Variants in RASA2 observed in about 807,000 individuals in gnomAD.
The protein encoded by RASA2 is RAS p21 protein activator 2.
A neutral mutation model predicts 118.2 loss-of-function variants in RASA2; 155 were observed. The observed-to-expected ratio is 1.31, with a 90% CI of 1.15 to 1.50. The LOEUF (loss-of-function observed/expected upper bound fraction) is 1.50. RASA2 is among the 40% of genes most tolerant of loss of function. RASA2 has a pLI of 0.00. For missense variants in RASA2, 1,016 were observed against 1,009.6 expected (o/e 1.01, Z -0.09); for synonymous variants, 353 against 349.1 (o/e 1.01, Z -0.12).
At chr3:141,529,671 G>T (rs111720442) in intron 3 of RASA2, 37 bp from the exon 4 acceptor site, 1 of 1,437,864 alleles carries the variant, frequency 7.0e-7, no homozygotes, top group East Asian at 2.3e-5. Flanking sequence ...ATTATACGAA[G>T]CATGTTTTCT....
At chr3:141,506,889 G>A (rs1401096305) in intron 1 of RASA2, among the ~76,000 whole-genome samples, 1 of 148,296 alleles carries the variant, frequency 6.7e-6, no homozygotes, top group East Asian at 2.0e-4. Flanking sequence ...GCACTCCAGC[G>A]TGGGCGACAG....
At position 141,577,010 on chromosome 3, in the gene RASA2, T is replaced by A; in HGVS notation, c.1494T>A (p.His498Gln). The change falls in exon 15 of 24, where the codon CAT (histidine) becomes CAA (glutamine). Residue 498 changes from histidine (H) to glutamine (Q), a missense_variant. By Grantham distance (24) the His-to-Gln change is conservative. This residue lies in a region of RASA2 where 896 missense variants were observed against 836.4 expected (regional missense o/e 1.07). Coordinates refer to ENST00000286364, the MANE Select transcript of RASA2 (RefSeq NM_006506.5). ...MATQRFPNDPHVQYSAVSSFV... is the reference protein window; with the variant it reads ...MATQRFPNDPQVQYSAVSSFV... ...ATTTTTTTCCTGCAGATGACCCTCATGTTCAGTATTCTGCAGTGAGCAGCT... is the reference window on the plus strand; with the variant it reads ...ATTTTTTTCCTGCAGATGACCCTCAAGTTCAGTATTCTGCAGTGAGCAGCT... 1 of 1,598,180 alleles carries A rather than the reference T, an allele frequency of 6.3e-7. No homozygotes were observed. The highest frequency in any genetic ancestry group is 2.3e-5 in the East Asian group (1 of 44,106).
At chr3:141,504,368 T>TC (rs1288768509) in intron 1 of RASA2, among the ~76,000 whole-genome samples, 1 of 152,196 alleles carries the variant, frequency 6.6e-6, no homozygotes, top group Non-Finnish European at 1.5e-5. Context: ...GTATAAGGCA[T>TC]CTCAGATTTA....
intron 5 of RASA2, among the ~76,000 whole-genome samples, chr3:141,544,645 GT>G (rs2082457287): frequency 6.6e-6 from 1 of 152,192 alleles, no homozygotes; most frequent in South Asian, 2.1e-4. Flanking sequence ...TTTGGTGAGA[GT>G]TTCTTTTGCA....
chr3:141,497,219 G>GC (rs2081715656), intron 1 of RASA2, among the ~76,000 whole-genome samples: 1 of 150,832 alleles, frequency 6.6e-6, no homozygotes, highest in African/African-American at 2.4e-5. Context: ...TATACCTAAT[G>GC]TAAATGACGA....
chr3:141,577,064 C>T lies in RASA2; in HGVS notation c.1548C>T (p.Ala516=), dbSNP rs765379914. ...TATTTCTTCGTTTCTTTGCTGTAGC[C>T]GTAGTATCACCTCATACTTTTCATT... The part of the protein sequence containing the change: ...SFVFLRFFAV[A]VVSPHTFHLR... Residue 516 remains alanine (A), a synonymous_variant, in exon 15 of 24, where the codon GCC becomes GCT. Transcript: ENST00000286364. 8.7e-6 allele frequency: 14 copies of T among 1,610,956 alleles called. No individual in the cohort carries two copies. The highest frequency in any genetic ancestry group is 1.6e-4 in the Middle Eastern group (1 of 6,066).
intron 19 of RASA2, among the ~76,000 whole-genome samples, chr3:141,602,929 C>T (rs1310270443): frequency 6.6e-6 from 1 of 152,194 alleles, no homozygotes; most frequent in Non-Finnish European, 1.5e-5. Flanking sequence ...TATTATCAGG[C>T]TTTCATAGCC....
intron 1 of RASA2, 84 bp from the exon 2 acceptor site, chr3:141,512,079 T>C: frequency 1.1e-6 from 1 of 880,078 alleles, no homozygotes; most frequent in Non-Finnish European, 1.8e-6. Context: ...TAATATGTTC[T>C]TTCAGATTGA....
chr3:141,531,843 C>T (rs1267532626), intron 4 of RASA2, among the ~76,000 whole-genome samples: 2 of 151,958 alleles, frequency 1.3e-5, no homozygotes, highest in Non-Finnish European at 2.9e-5. Flanking sequence ...TGTTGTCCCA[C>T]TGCTGATAAG....
intron 3 of RASA2, among the ~76,000 whole-genome samples, chr3:141,520,162 A>G (rs961799767): frequency 1.3e-5 from 2 of 151,648 alleles, no homozygotes; most frequent in African/African-American, 4.8e-5. Context: ...ACAGGCATGC[A>G]ACACCACACC....
intron 1 of RASA2, among the ~76,000 whole-genome samples, chr3:141,498,160 C>G (rs1336916054): frequency 1.3e-5 from 2 of 152,114 alleles, no homozygotes; most frequent in African/African-American, 4.8e-5. Flanking sequence ...GGATACTTTG[C>G]AAAATATTTC....
At chr3:141,560,759 G>A (rs1347468291) in intron 9 of RASA2, among the ~76,000 whole-genome samples, 1 of 151,986 alleles carries the variant, frequency 6.6e-6, no homozygotes, top group African/African-American at 2.4e-5. Context: ...GTTTCAACTG[G>A]GTATAAATGA....
chr3:141,549,672 T>C (rs996111668), intron 5 of RASA2, among the ~76,000 whole-genome samples: 1 of 152,210 alleles, frequency 6.6e-6, no homozygotes, highest in Non-Finnish European at 1.5e-5. Flanking sequence ...TAATTTTATT[T>C]AATTTTAATT....
At chr3:141,579,671 T>A (rs2107767731) in intron 15 of RASA2, among the ~76,000 whole-genome samples, 1 of 152,292 alleles carries the variant, frequency 6.6e-6, no homozygotes, top group Admixed American at 6.5e-5. Flanking sequence ...GGTAGTAAAG[T>A]AGAAGTGACT....
At chr3:141,538,864 T>C (rs968627169) in intron 4 of RASA2, among the ~76,000 whole-genome samples, 8 of 152,210 alleles carry the variant, frequency 5.3e-5, no homozygotes, top group African/African-American at 1.9e-4. Flanking sequence ...TCCTTTTGAC[T>C]TGCTATAATA....
At chr3:141,584,570 C>T (rs1390110106) in intron 17 of RASA2, among the ~76,000 whole-genome samples, 1 of 152,136 alleles carries the variant, frequency 6.6e-6, no homozygotes, top group African/African-American at 2.4e-5. Context: ...AATCTGTTTA[C>T]TCTTCAGTCA....
chr3:141,551,593 CTCT>C (rs567069269), intron 5 of RASA2, among the ~76,000 whole-genome samples: 112 of 152,286 alleles, frequency 7.4e-4, no homozygotes, highest in African/African-American at 2.6e-3. Context: ...ACAGCTTTGC[CTCT>C]TCTTCTCAGA....
chr3:141,607,794 G>A, intron 20 of RASA2, 34 bp downstream of exon 20: 4 of 1,539,388 alleles, frequency 2.6e-6, no homozygotes, highest in Non-Finnish European at 3.5e-6. Flanking sequence ...AAAGCTTTCT[G>A]AACTGCATAT....
chr3:141,489,858 CTT>C (rs2081619606), intron 1 of RASA2, among the ~76,000 whole-genome samples: 1 of 151,726 alleles, frequency 6.6e-6, no homozygotes, highest in South Asian at 2.1e-4. Flanking sequence ...CAAGAGGAAA[CTT>C]AACAAAAAGT....
Sources: gnomAD v4.1 joint callset for allele counts (sites outside exome capture counted in the v4.1 genomes callset) on GRCh38, gnomAD v4.1.1 for gene constraint, gnomAD v4.1.1 regional missense constraint, MANE v1.5 for transcripts, NCBI Gene and HGNC (gene_info 2026-07-23, HGNC 2026-07-21) for gene names.